CNOT10: variants seen among roughly 807,000 people sequenced by gnomAD.
CNOT10 encodes the protein CCR4-NOT transcription complex subunit 10.
A neutral mutation model predicts 94.6 loss-of-function variants in CNOT10; 30 were observed. That is an observed-to-expected ratio of 0.32 (90% CI 0.24 to 0.43). The LOEUF (loss-of-function observed/expected upper bound fraction) is 0.43, where lower values mean the gene tolerates loss of function less well. CNOT10 is among the 20% of genes least tolerant of loss of function. The probability of loss-of-function intolerance (pLI) is 1.00; values close to 1 mark genes in which losing one functional copy is unlikely to be tolerated. For missense variants in CNOT10, 759 were observed against 877.2 expected, an observed-to-expected ratio of 0.87 and a Z score of 1.70; for synonymous variants, 289 against 301.6, an observed-to-expected ratio of 0.96 and a Z score of 0.43.
At chr3:32,719,362 G>A (rs910650731) in intron 7 of CNOT10, among the ~76,000 whole-genome samples, 2 of 152,216 alleles carry the variant, frequency 1.3e-5, no homozygotes, top group Admixed American at 1.3e-4. Context: ...GGAGGTTGCA[G>A]TGATCCGAGA....
rs11928802 is a variant in CNOT10, at chr3:32,766,529, C to A, written c.2004+1720C>A. Among the ~76,000 whole-genome samples, 9 of 14,930 alleles carry A rather than the reference C, an allele frequency of 6.0e-4. 1 individual carries two copies. Among genetic ancestry groups the A allele is most frequent in the South Asian group, 2.0e-3 (1 of 504 alleles). The allele number at this position is 14,930 out of a possible 152,430, so 9.8% of individuals were successfully genotyped here. ...GTGCCTGTAGTCCCAGCTACTCGGG[C>A]GGCTGAGGCAGGAGAATGGCATGAA... is the stretch of plus-strand genomic sequence containing the variant. On this transcript the variant is annotated intron_variant, in intron 17 of 18. Transcript: ENST00000328834.
chr3:32,764,251 C>T (rs538829711), intron 15 of CNOT10: 19 of 517,672 alleles, frequency 3.7e-5, no homozygotes, highest in Non-Finnish European at 5.0e-5. Context: ...GCAGGAGAAT[C>T]GCTTGAATCC....
At chr3:32,701,407 T>C (rs1246872104) in intron 1 of CNOT10, among the ~76,000 whole-genome samples, 1 of 152,192 alleles carries the variant, frequency 6.6e-6, no homozygotes, top group Non-Finnish European at 1.5e-5. Context: ...TAGACTCTTT[T>C]GAAAAAATAA....
At chr3:32,757,297 A>G (rs1200707486) in intron 13 of CNOT10, among the ~76,000 whole-genome samples, 1 of 140,374 alleles carries the variant, frequency 7.1e-6, no homozygotes, top group Non-Finnish European at 1.5e-5. Flanking sequence ...CTCCTGCCTC[A>G]GCCTCCCAAG....
chr3:32,689,302 A>G (rs1375046106), intron 1 of CNOT10, among the ~76,000 whole-genome samples: 1 of 151,724 alleles, frequency 6.6e-6, no homozygotes, highest in Admixed American at 6.6e-5. Context: ...GCAGTGAGCC[A>G]AGATCGTGCC....
intron 13 of CNOT10, among the ~76,000 whole-genome samples, chr3:32,746,836 C>CAAA (rs71630540): frequency 7.1e-5 from 6 of 84,160 alleles, no homozygotes; most frequent in South Asian, 4.1e-4. Context: ...GACTCCGTCT[C>CAAA]AAAAAAAAAA....
chr3:32,772,760 C>CT lies in CNOT10; in HGVS notation c.2081-689dup, dbSNP rs533942809. Reference sequence around the variant, plus strand: ...ACCTTGGGAACTCTTACAAGGCTCCCTTTTTTTTAATAGCTGAAGAAGGGG... The same window carrying CT: ...ACCTTGGGAACTCTTACAAGGCTCCCTTTTTTTTTAATAGCTGAAGAAGGGG... On this transcript the variant is annotated intron_variant, in intron 18 of 18. Transcript: ENST00000328834. Among the ~76,000 whole-genome samples the CT allele has an allele frequency of 8.5e-5, 13 of 152,104 alleles. No individual in the cohort carries two copies. In the East Asian group the frequency reaches 2.5e-3, roughly 29 times the overall value.
At chr3:32,718,791 G>A (rs1031714846) in intron 7 of CNOT10, among the ~76,000 whole-genome samples, 3 of 151,918 alleles carry the variant, frequency 2.0e-5, no homozygotes, top group Non-Finnish European at 4.4e-5. Context: ...GATAAACTAG[G>A]ATTTAGAAGG....
At chr3:32,754,455 C>T (rs1255351120) in intron 13 of CNOT10, among the ~76,000 whole-genome samples, 13 of 99,136 alleles carry the variant, frequency 1.3e-4, no homozygotes, top group East Asian at 9.8e-4. Flanking sequence ...CCAGCCTGGG[C>T]GACAGAGCAA....
In CNOT10 at chr3:32,703,894, A is replaced by G; in HGVS notation, c.49A>G (p.Thr17Ala). ...TCAGGGAGCAGAGAAACATGAAGGC[A>G]CAGGTCAGTCCTCTGGGATCACTGA... ...ADQGAEKHEG[T>A]GQSSGITDQE... The change falls in exon 2 of 19, where the codon ACA becomes GCA. Residue 17 changes from threonine (T) to alanine (A), a missense_variant. Around this residue, in one of 3 missense-constraint regions of CNOT10, gnomAD observed 682 missense variants for 799.4 expected, o/e 0.85. Transcript: ENST00000328834. The G allele has an allele frequency of 1.2e-6, 2 of 1,613,730 alleles. No individual in the cohort carries two copies. The highest frequency in any genetic ancestry group is 1.7e-6 in the Non-Finnish European group (2 of 1,179,674).
chr3:32,755,242 A>G (rs916061838), intron 13 of CNOT10, among the ~76,000 whole-genome samples: 11 of 151,170 alleles, frequency 7.3e-5, no homozygotes, highest in South Asian at 2.1e-4. Context: ...GCGAAACTCC[A>G]TATCAAAAAA....
Position 32,773,714 on chromosome 3 carries a change from A to G in CNOT10, c.*103A>G, listed in dbSNP as rs1371817368. On this transcript the variant is annotated 3_prime_UTR_variant, in exon 19 of 19. Coordinates refer to ENST00000328834, the MANE Select transcript of CNOT10 (RefSeq NM_015442.3). ...GAATAAAAGATGGTGAAGGCTGTTA[A>G]TTTTGAGTCAATTCTACCCCTGACA... 6.8e-5 allele frequency: 85 copies of G among 1,248,060 alleles called. 1 individual carries two copies. The highest frequency in any genetic ancestry group is 9.1e-5 in the Non-Finnish European group (84 of 923,358). 77.3% of individuals were successfully genotyped at this position (1,248,060 alleles called of 1,614,324 possible).
At chr3:32,713,769 C>T (rs1045321363) in intron 5 of CNOT10, among the ~76,000 whole-genome samples, 20 of 152,096 alleles carry the variant, frequency 1.3e-4, no homozygotes, top group African/African-American at 4.3e-4. Flanking sequence ...TTGTCACTGG[C>T]TTTTTTTACT....
At chr3:32,729,955 A>G (rs1233086073) in intron 10 of CNOT10, among the ~76,000 whole-genome samples, 1 of 150,622 alleles carries the variant, frequency 6.6e-6, no homozygotes, top group Non-Finnish European at 1.5e-5. Flanking sequence ...TTTTTAGTAG[A>G]GACGGGGTTT....
intron 10 of CNOT10, among the ~76,000 whole-genome samples, chr3:32,730,383 T>C (rs1347055643): frequency 6.6e-6 from 1 of 151,988 alleles, no homozygotes; most frequent in African/African-American, 2.4e-5. Context: ...CCAGTCCTGT[T>C]TTTTTTTCTA....
chr3:32,761,726 CTTT>C (rs200865385), intron 14 of CNOT10, among the ~76,000 whole-genome samples: 7 of 136,426 alleles, frequency 5.1e-5, no homozygotes, highest in South Asian at 2.4e-4. Flanking sequence ...CTACTAATTT[CTTT>C]TTTTTTTTTT....
At chr3:32,736,037 G>A (rs1256665675) in intron 12 of CNOT10, among the ~76,000 whole-genome samples, 1 of 151,968 alleles carries the variant, frequency 6.6e-6, no homozygotes. Context: ...AGGGAATTCA[G>A]CTTTTTTCTT....
intron 3 of CNOT10, among the ~76,000 whole-genome samples, chr3:32,707,017 T>C (rs1453051322): frequency 2.6e-5 from 4 of 152,238 alleles, no homozygotes; most frequent in Admixed American, 6.5e-5. Flanking sequence ...TTGCCATTAG[T>C]CAAACCAAGG....
rs1415034685 is a variant in CNOT10 at position 32,695,876 on chromosome 3, AAAC to A, written c.23-7991_23-7989del. ...AATAAATGTTTTTAAAACATTAAAA[AAAC>A]TGATTACAAAAATGAATACCCATTT... On this transcript the variant is annotated intron_variant, in intron 1 of 18. Transcript: ENST00000328834. 8.4e-6 allele frequency: 12 copies of A among 1,432,020 alleles called. No homozygotes were observed. In the Admixed American group the frequency reaches 2.7e-4, roughly 32 times the overall value. The allele number at this position is 1,432,020 out of a possible 1,614,324, so 88.7% of individuals were successfully genotyped here. A position where few individuals can be genotyped will look rare whatever the true frequency, so the allele number is the denominator to read the frequency against.
Sources: gnomAD v4.1 joint callset for allele counts (sites outside exome capture counted in the v4.1 genomes callset) on GRCh38, gnomAD v4.1.1 for gene constraint, gnomAD v4.1.1 regional missense constraint, MANE v1.5 for transcripts, NCBI Gene and HGNC (gene_info 2026-07-23, HGNC 2026-07-21) for gene names.